KAT6B: variants seen among roughly 807,000 people sequenced by gnomAD.
The protein encoded by KAT6B is histone acetyltransferase KAT6B.
Under a neutral mutation model 187.5 loss-of-function variants are expected in KAT6B, and 10 were observed. The ratio of observed to expected loss-of-function variants is 0.05; its 90% confidence interval spans 0.03 to 0.09. KAT6B has a LOEUF of 0.09. Among genes scored for constraint, KAT6B ranks in the 10% least tolerant of loss-of-function variants. KAT6B has a pLI of 1.00. For synonymous variants in KAT6B, 861 were observed against 926.8 expected, an observed-to-expected ratio of 0.93 and a Z score of 1.29; for missense variants, 1,952 against 2,558.9, an observed-to-expected ratio of 0.76 and a Z score of 5.12.
chr10:75,017,655 C>T (rs569550638), intron 13 of KAT6B, among the ~76,000 whole-genome samples: 4 of 152,000 alleles, frequency 2.6e-5, no homozygotes, highest in Non-Finnish European at 4.4e-5. Context: ...GCAAGAAATT[C>T]GTTTTTTAAA....
Position 74,843,220 on chromosome 10 carries a change from G to T in KAT6B, c.363G>T (p.Pro121=). 1 of 1,614,096 alleles carries T rather than the reference G, an allele frequency of 6.2e-7. No individual in the cohort carries two copies. The highest frequency in any genetic ancestry group is 8.5e-7 in the Non-Finnish European group (1 of 1,179,954). The change falls in exon 3 of 18, where the codon CCG becomes CCT. Residue 121 remains proline, a synonymous_variant. Coordinates refer to ENST00000287239, the MANE Select transcript of KAT6B (RefSeq NM_012330.4). ...GAGCAATTGAAGGACTTGAGGAGCC[G>T]AATGGCTCCTCCCTGAAGAACATAG... is the stretch of plus-strand genomic sequence containing the variant. The part of the protein sequence containing the change: ...LRRAIEGLEE[P]NGSSLKNIEK...
At chr10:74,968,137 C>G (rs894064574) in intron 4 of KAT6B, among the ~76,000 whole-genome samples, 1 of 152,150 alleles carries the variant, frequency 6.6e-6, no homozygotes, top group South Asian at 2.1e-4. Context: ...CTCCCCTCCC[C>G]GCTTCAGTGT....
intron 12 of KAT6B, among the ~76,000 whole-genome samples, chr10:74,988,800 C>G (rs1014792310): frequency 1.3e-5 from 2 of 152,190 alleles, no homozygotes; most frequent in Non-Finnish European, 2.9e-5. Context: ...ATGGCACTGA[C>G]TTTCAAGAAT....
intron 13 of KAT6B, among the ~76,000 whole-genome samples, chr10:74,995,305 T>A (rs1297734176): frequency 6.6e-6 from 1 of 152,256 alleles, no homozygotes; most frequent in Non-Finnish European, 1.5e-5. Context: ...AGTGTTACTG[T>A]AGTATTCATT....
chr10:74,865,231 C>T (rs1843472471), intron 3 of KAT6B, among the ~76,000 whole-genome samples: 1 of 152,136 alleles, frequency 6.6e-6, no homozygotes, highest in Non-Finnish European at 1.5e-5. Flanking sequence ...TAATGAAGAG[C>T]ATTTTGGCAT....
Position 74,880,083 on chromosome 10 carries a change from A to G in KAT6B, c.621+36605A>G, listed in dbSNP as rs1844740090. ...AGGTAGATTAAAAAAAAAGAGACAT[A>G]ATTTGCGTTATCGTAAAATTTACTT... On this transcript the variant is annotated intron_variant, in intron 3 of 17. Transcript: ENST00000287239. 2.6e-5 allele frequency among the ~76,000 whole-genome samples: 4 copies of G among 152,300 alleles called. No homozygotes were observed. In the South Asian group the frequency reaches 8.3e-4, roughly 32 times the overall value.
intron 2 of KAT6B, among the ~76,000 whole-genome samples, chr10:74,841,653 C>T (rs879009451): frequency 2.0e-5 from 3 of 152,078 alleles, no homozygotes; most frequent in South Asian, 2.1e-4. Context: ...CATCTTCTCC[C>T]GAGCCTCAGT....
chr10:74,964,254 CTG>C (rs1564592359), intron 4 of KAT6B, among the ~76,000 whole-genome samples: 1 of 152,220 alleles, frequency 6.6e-6, no homozygotes, highest in Non-Finnish European at 1.5e-5. Flanking sequence ...TTCACTAAAA[CTG>C]TGCTTGTCTG....
intron 13 of KAT6B, among the ~76,000 whole-genome samples, chr10:74,998,180 T>A (rs1843575031): frequency 7.0e-6 from 1 of 143,010 alleles, no homozygotes. Flanking sequence ...TCTCAAATTA[T>A]GGAGCTCAAG....
chr10:74,884,233 C>G (rs775841156), intron 3 of KAT6B, among the ~76,000 whole-genome samples: 3 of 152,174 alleles, frequency 2.0e-5, no homozygotes, highest in Non-Finnish European at 2.9e-5. Context: ...TTTGTATGCT[C>G]TAGTCAAGCC....
chr10:75,020,801 A>G lies in KAT6B; in HGVS notation c.2849A>G (p.Lys950Arg), dbSNP rs747042610. The G allele has an allele frequency of 4.3e-6, 7 of 1,613,924 alleles. No individual in the cohort carries two copies. The East Asian group carries it at 1.6e-4, about 36-fold the overall frequency. Residue 950 changes from lysine (K) to arginine (R), a missense_variant, in exon 14 of 18, where the codon AAG becomes AGG. Coordinates refer to ENST00000287239, the MANE Select transcript of KAT6B (RefSeq NM_012330.4). ...TTLQHLHMID[K>R]RDGRFVIIRR... ...CTGCAGCACCTCCACATGATCGACAAGAGAGATGGCAGGTGAGTCCTGGGA... is the reference window on the plus strand; with the variant it reads ...CTGCAGCACCTCCACATGATCGACAGGAGAGATGGCAGGTGAGTCCTGGGA...
intron 3 of KAT6B, among the ~76,000 whole-genome samples, chr10:74,853,109 CTTTT>C (rs1233676750): frequency 1.8e-5 from 2 of 113,734 alleles, no homozygotes; most frequent in Non-Finnish European, 3.4e-5. Flanking sequence ...TTTCTTTCAT[CTTTT>C]TTTTTTTTTT....
chr10:74,873,511 C>T (rs1329333236), intron 3 of KAT6B, among the ~76,000 whole-genome samples: 1 of 151,844 alleles, frequency 6.6e-6, no homozygotes, highest in East Asian at 1.9e-4. Context: ...ACCGAGGCTG[C>T]TGTGTGGCCA....
In KAT6B at chr10:74,963,401, A is replaced by G. The variant is rs183964317; in HGVS notation, c.730+3323A>G. The stretch of plus-strand genomic sequence containing the variant: ...GTGCATGTGTGTTTTCAAATTAGCA[A>G]ATCTAAGATAAGTGTACAGTTCAAA... On this transcript the variant is annotated intron_variant, in intron 4 of 17. Transcript: ENST00000287239. Among the ~76,000 whole-genome samples the G allele has an allele frequency of 2.6e-5, 4 of 152,354 alleles. No individual in the cohort carries two copies. The East Asian group carries it at 7.7e-4, about 29-fold the overall frequency.
chr10:74,826,985 C>T (rs1840301860), intron 1 of KAT6B, among the ~76,000 whole-genome samples, 200 bp downstream of exon 1: 1 of 125,570 alleles, frequency 8.0e-6, no homozygotes, highest in African/African-American at 3.1e-5. Context: ...GGCCCCGCCC[C>T]TCGGCAGGGC....
intron 3 of KAT6B, among the ~76,000 whole-genome samples, chr10:74,881,721 G>A (rs895237811): frequency 6.6e-6 from 1 of 152,100 alleles, no homozygotes. Flanking sequence ...TGGTGTAATC[G>A]TAGTTCACTG....
intron 13 of KAT6B, among the ~76,000 whole-genome samples, chr10:75,016,707 G>T (rs1430910363): frequency 2.0e-5 from 3 of 152,226 alleles, no homozygotes; most frequent in African/African-American, 4.8e-5. Flanking sequence ...ATCTGAAACA[G>T]CCAGGTTTCT....
In KAT6B at chr10:74,830,748, A is replaced by ATATATATATATATATG. The variant is rs1554912249; in HGVS notation, c.-329+3978_-329+3979insGTATATATATATATAT. ...CAGCTCTTCATATATATATATATAT[A>ATATATATATATATATG]TATATATATATATATATATATTTTT... On this transcript the variant is annotated intron_variant, in intron 1 of 17. Coordinates refer to ENST00000287239, the MANE Select transcript of KAT6B (RefSeq NM_012330.4). Among the ~76,000 whole-genome samples the ATATATATATATATATG allele has an allele frequency of 3.5e-3, 66 of 19,046 alleles. 1 individual carries two copies. The highest frequency in any genetic ancestry group is 0.02 in the Admixed American group (30 of 1,492). The allele number at this position is 19,046 out of a possible 152,430, so 12.5% of individuals were successfully genotyped here.
chr10:74,969,920 T>C, intron 5 of KAT6B, 100 bp from the exon 6 acceptor site: 1 of 1,036,630 alleles, frequency 9.6e-7, no homozygotes, highest in Non-Finnish European at 1.5e-6. Flanking sequence ...CTTGGTGCAC[T>C]TTCCTTATAT....
Sources: allele counts gnomAD v4.1 joint callset (sites outside exome capture counted in the v4.1 genomes callset), GRCh38; gene constraint gnomAD v4.1.1; transcripts MANE v1.5; gene names NCBI Gene and HGNC (gene_info 2026-07-23, HGNC 2026-07-21).